DST: variants seen among roughly 807,000 people sequenced by gnomAD.
DST encodes bullous pemphigoid antigen.
A neutral mutation model predicts 875.2 loss-of-function variants in DST; 253 were observed. The ratio of observed to expected loss-of-function variants is 0.29; its 90% CI spans 0.26 to 0.32. The LOEUF is 0.32. Ranked by LOEUF, DST falls within the 10% of genes least tolerant of loss-of-function variation. The probability of loss-of-function intolerance (pLI) is 1.00; values close to 1 mark genes in which losing one functional copy is unlikely to be tolerated. For synonymous variants in DST, 3,124 were observed against 3,197.1 expected, an observed-to-expected ratio of 0.98 and a Z score of 0.77; for missense variants, 8,287 against 9,111.6, an observed-to-expected ratio of 0.91 and a Z score of 3.68.
chr6:56,745,124 A>T (rs1451048020), intron 4 of DST, among the ~76,000 whole-genome samples: 1 of 152,192 alleles, frequency 6.6e-6, no homozygotes, highest in Non-Finnish European at 1.5e-5. Flanking sequence ...CCTTACCAGG[A>T]AAGTTATCAG....
chr6:56,515,766 C>A (rs551154705), intron 71 of DST, 98 bp from the exon 72 acceptor site: 2 of 845,376 alleles, frequency 2.4e-6, no homozygotes, highest in Admixed American at 2.9e-5. Flanking sequence ...ACAGAGTGGG[C>A]GTTTGACAAA....
intron 72 of DST, among the ~76,000 whole-genome samples, chr6:56,514,126 C>G (rs2096541711): frequency 6.6e-6 from 1 of 152,194 alleles, no homozygotes; most frequent in South Asian, 2.1e-4. Context: ...CAAAAAAACT[C>G]AATTTTTAAA....
intron 7 of DST, 146 bp from the exon 8 acceptor site, chr6:56,702,111 T>A (rs994991789): frequency 3.5e-5 from 19 of 540,048 alleles, no homozygotes; most frequent in African/African-American, 3.3e-4. Flanking sequence ...AAGGTTTCAA[T>A]TTCTTTATAT....
chr6:56,703,609 G>T, intron 7 of DST, 39 bp downstream of exon 7: 1 of 826,862 alleles, frequency 1.2e-6, no homozygotes, highest in Non-Finnish European at 1.5e-6. Flanking sequence ...CACCGCATGG[G>T]AACGGCTAGG....
At chr6:56,815,545 T>C (rs4348308) in intron 4 of DST, among the ~76,000 whole-genome samples, 2 of 152,116 alleles carry the variant, frequency 1.3e-5, no homozygotes, top group African/African-American at 4.8e-5. Flanking sequence ...ACTCTGCTTT[T>C]AGAACTGGGT....
At chr6:56,735,096 G>A in intron 5 of DST, 132 bp downstream of exon 5, 1 of 702,056 alleles carries the variant, frequency 1.4e-6, no homozygotes, top group South Asian at 1.7e-5. Context: ...TAAAATGCAT[G>A]CAAAATTCTC....
chr6:56,674,277 T>G (rs1390463456), intron 9 of DST, among the ~76,000 whole-genome samples: 1 of 152,038 alleles, frequency 6.6e-6, no homozygotes, highest in Non-Finnish European at 1.5e-5. Flanking sequence ...ACTACTCACA[T>G]AATCTCCTAA....
Position 56,489,538 on chromosome 6 carries a change from T to C in DST, c.20829A>G (p.Glu6943=), listed in dbSNP as rs778666386. 5 of 1,613,216 alleles carry C rather than the reference T, an allele frequency of 3.1e-6. No homozygotes were observed. The South Asian group carries it at 5.5e-5, about 18-fold the overall frequency. Residue 6943 remains glutamate, a synonymous_variant, in exon 86 of 104, where the codon GAA becomes GAG. Transcript: ENST00000680361. ...TTATTTTGTCTGGATCATTTGCGATTTCCAGTTCAGAATCCAAAGACTTTT... is the reference window on the plus strand; with the variant it reads ...TTATTTTGTCTGGATCATTTGCGATCTCCAGTTCAGAATCCAAAGACTTTT... The part of the protein sequence containing the change: ...ESEKSLDSEL[E]IANDPDKIKT...
At chr6:56,503,966 G>A in intron 78 of DST, 31 bp downstream of exon 78, 1 of 1,474,270 alleles carries the variant, frequency 6.8e-7, no homozygotes. Flanking sequence ...AACTGCAAGG[G>A]AGTCTTCGAT....
chr6:56,605,606 G>GT lies in DST; in HGVS notation c.9021dup (p.Pro3008ThrfsTer3). ...AATGACAAATGGCTTTCCTCAGCAGGTTTTCCTATTAAATCAGGCTCAGTA... is the reference window on the plus strand; with the variant it reads ...AATGACAAATGGCTTTCCTCAGCAGGTTTTTCCTATTAAATCAGGCTCAGTA... On this transcript the variant is annotated frameshift_variant, in exon 40 of 104. Coordinates refer to ENST00000680361, the MANE Select transcript of DST (RefSeq NM_001374736.1). LOFTEE classifies it high-confidence loss of function. 6.2e-7 allele frequency: 1 copy of GT among 1,613,006 alleles called. No homozygotes were observed. The highest frequency in any genetic ancestry group is 8.5e-7 in the Non-Finnish European group (1 of 1,179,328).
At chr6:56,678,639 G>C (rs1426369173) in intron 9 of DST, among the ~76,000 whole-genome samples, 1 of 152,092 alleles carries the variant, frequency 6.6e-6, no homozygotes, top group Non-Finnish European at 1.5e-5. Context: ...TGAGCTAAAG[G>C]CAATTAAGTA....
intron 4 of DST, among the ~76,000 whole-genome samples, chr6:56,803,631 C>T (rs2099749881): frequency 1.3e-5 from 2 of 152,134 alleles, no homozygotes; most frequent in African/African-American, 4.8e-5. Flanking sequence ...TCGTACAACC[C>T]CTGATATGAA....
chr6:56,797,693 C>T (rs1212068284), intron 4 of DST, among the ~76,000 whole-genome samples: 1 of 151,958 alleles, frequency 6.6e-6, no homozygotes, highest in Non-Finnish European at 1.5e-5. Flanking sequence ...GTGGCAGGTG[C>T]CTGTAATCCC....
chr6:56,484,142 C>T (rs2095490017), intron 88 of DST: 1 of 152,070 alleles, frequency 6.6e-6, no homozygotes, highest in African/African-American at 2.4e-5. Flanking sequence ...AATATTTAGA[C>T]AGTGAGTTTA....
At chr6:56,821,692 C>T (rs2099773210) in intron 4 of DST, among the ~76,000 whole-genome samples, 1 of 152,176 alleles carries the variant, frequency 6.6e-6, no homozygotes, top group Admixed American at 6.5e-5. Context: ...TCTTTCCTCT[C>T]TGACTGCCCT....
chr6:56,871,886 A>G (rs1246555625), intron 3 of DST: 2 of 221,528 alleles, frequency 9.0e-6, no homozygotes, highest in Non-Finnish European at 1.8e-5. Context: ...ATTCAACTGG[A>G]AAAAAAAATT....
At chr6:56,704,732 C>T (rs1430480188) in intron 5 of DST, among the ~76,000 whole-genome samples, 1 of 152,196 alleles carries the variant, frequency 6.6e-6, no homozygotes, top group Non-Finnish European at 1.5e-5. Context: ...GTGGAGTTTT[C>T]ACCCCCGCAG....
chr6:56,489,959 T>C (rs2095680735), intron 85 of DST, among the ~76,000 whole-genome samples: 1 of 152,200 alleles, frequency 6.6e-6, no homozygotes, highest in Non-Finnish European at 1.5e-5. Context: ...TTTTGTATTT[T>C]TGTTGTTGCT....
At chr6:56,862,561 C>A (rs1771770422) in intron 3 of DST, among the ~76,000 whole-genome samples, 1 of 152,048 alleles carries the variant, frequency 6.6e-6, no homozygotes, top group Non-Finnish European at 1.5e-5. Flanking sequence ...TCATCTTCAT[C>A]TTCATCTTCA....
Sources: allele counts gnomAD v4.1 joint callset (sites outside exome capture counted in the v4.1 genomes callset), GRCh38; gene constraint gnomAD v4.1.1; transcripts MANE v1.5; gene names NCBI Gene and HGNC (gene_info 2026-07-23, HGNC 2026-07-21).